The following CPNE2 variants were observed in gnomAD, a reference collection of about 807,000 sequenced individuals.
CPNE2 encodes the protein copine-2.
In CPNE2, 42 loss-of-function variants were observed where a neutral mutation model predicts 69.7. That is an observed-to-expected ratio of 0.60 (90% confidence interval 0.47 to 0.78). The LOEUF (loss-of-function observed/expected upper bound fraction) is 0.78, where lower values mean the gene tolerates loss of function less well. Ranked by LOEUF, CPNE2 falls within the 30% of genes least tolerant of loss-of-function variation. The pLI is 0.00. For synonymous variants in CPNE2, 294 were observed against 289.8 expected (o/e 1.01, Z -0.15); for missense variants, 587 against 732.0 (o/e 0.80, Z 2.29).
chr16:57,103,786 G>T (rs2069631236), intron 1 of CPNE2, among the ~76,000 whole-genome samples: 1 of 152,234 alleles, frequency 6.6e-6, no homozygotes, highest in Non-Finnish European at 1.5e-5. Context: ...CTACATCGCG[G>T]TGGGGCCAGG....
chr16:57,139,717 T>C (rs2013644), intron 14 of CPNE2, among the ~76,000 whole-genome samples: 139,439 of 152,156 alleles, frequency 0.92, 64,093 homozygotes, highest in Middle Eastern at 0.98. Flanking sequence ...TCAATAGGAG[T>C]GGGGAGTGGC....
intron 1 of CPNE2, chr16:57,093,974 C>G (rs527256453): frequency 1.0e-4 from 45 of 451,820 alleles, no homozygotes; most frequent in Middle Eastern, 6.5e-4. Context: ...ACCCTCCCCC[C>G]CTGTGGCCCT....
chr16:57,123,259 TAG>T lies in CPNE2; in HGVS notation c.868-149_868-148del, dbSNP rs2069775855. ...AACCATTGCACTGAAGGCTTTGTTA[TAG>T]AGAGATTTGGGTTTTGTTGTAATTA... On this transcript the variant is annotated intron_variant, in intron 9 of 15. Coordinates refer to ENST00000290776, the MANE Select transcript of CPNE2 (RefSeq NM_152727.6). 4.1e-6 allele frequency: 3 copies of T among 734,726 alleles called. No individual in the cohort carries two copies. In the Admixed American group the frequency reaches 6.0e-5, roughly 15 times the overall value. The allele number at this position is 734,726 out of a possible 1,614,324, so 45.5% of individuals were successfully genotyped here.
Position 57,127,915 on chromosome 16 carries a change from C to T in CPNE2, c.1116+12C>T, listed in dbSNP as rs113463269. The T allele has an allele frequency of 5.0e-6, 8 of 1,613,838 alleles. No individual in the cohort carries two copies. The highest frequency in any genetic ancestry group is 2.2e-5 in the East Asian group (1 of 44,870). On this transcript the variant is annotated intron_variant, in intron 12 of 15. Coordinates refer to ENST00000290776, the MANE Select transcript of CPNE2 (RefSeq NM_152727.6). ...CCCCAGACTGGAAGGTGAGTGAAAC[C>T]GGAGTTAGTTTCCTTTTGGTTGAGA... is the stretch of plus-strand genomic sequence containing the variant.
intron 11 of CPNE2, among the ~76,000 whole-genome samples, chr16:57,127,224 T>C (rs775155541): frequency 2.6e-5 from 4 of 152,140 alleles, no homozygotes; most frequent in Non-Finnish European, 5.9e-5. Context: ...GATTGGGCCT[T>C]AGAGGATGAG....
chr16:57,123,752 T>C (rs2069780202), intron 10 of CPNE2: 2 of 501,378 alleles, frequency 4.0e-6, no homozygotes, highest in Non-Finnish European at 7.2e-6. Context: ...AACAAATTCC[T>C]CCTCACTGGC....
intron 1 of CPNE2, among the ~76,000 whole-genome samples, chr16:57,098,332 C>A (rs1320178934): frequency 6.6e-6 from 1 of 152,218 alleles, no homozygotes; most frequent in Non-Finnish European, 1.5e-5. Flanking sequence ...GCAGCCGGTG[C>A]CGTAGCCTCG....
rs1280377995 is a variant in CPNE2 at position 57,117,506 on chromosome 16, A to G, written c.446A>G (p.Gln149Arg). The change falls in exon 5 of 16, where the codon CAG becomes CGG. Residue 149 changes from glutamine to arginine, a missense_variant. Gln to Arg is a conservative substitution (Grantham distance 43). Coordinates refer to ENST00000290776, the MANE Select transcript of CPNE2 (RefSeq NM_152727.6). ...AGKGLITIAA[Q>R]ELSDNRVITL... ...GTCCCGGCCTTACAGATCGCTGCCC[A>G]GGAGCTGTCCGACAACCGCGTCATC... 7 of 1,613,636 alleles carry G rather than the reference A, an allele frequency of 4.3e-6. No individual in the cohort carries two copies. Among genetic ancestry groups the G allele is most frequent in the Non-Finnish European group, 5.9e-6 (7 of 1,179,900 alleles).
At chr16:57,125,585 A>C (rs2069794797) in intron 10 of CPNE2, 1 of 484,304 alleles carries the variant, frequency 2.1e-6, no homozygotes, top group African/African-American at 1.9e-5. Flanking sequence ...TAGGGATAGT[A>C]AGGAGAAAAA....
At chr16:57,103,117 T>A (rs1350469638) in intron 1 of CPNE2, among the ~76,000 whole-genome samples, 2 of 152,052 alleles carry the variant, frequency 1.3e-5, no homozygotes, top group African/African-American at 4.8e-5. Context: ...AGAATCTATT[T>A]TTTTCTTTCT....
At chr16:57,128,664 C>G (rs1396064901) in intron 12 of CPNE2, among the ~76,000 whole-genome samples, 1 of 152,102 alleles carries the variant, frequency 6.6e-6, no homozygotes, top group Admixed American at 6.6e-5. Context: ...ATTACGAGGA[C>G]GTATTGTGTG....
At chr16:57,120,449 A>G (rs2069753519) in intron 7 of CPNE2, among the ~76,000 whole-genome samples, 5 of 151,748 alleles carry the variant, frequency 3.3e-5, no homozygotes, top group Admixed American at 3.3e-4. Flanking sequence ...CAAAAAAAAA[A>G]AAAAATTATA....
intron 1 of CPNE2, among the ~76,000 whole-genome samples, chr16:57,106,478 G>T (rs956481134): frequency 6.6e-6 from 1 of 152,318 alleles, no homozygotes; most frequent in Non-Finnish European, 1.5e-5. Flanking sequence ...ACCCCAGAGT[G>T]TTCATATGAG....
chr16:57,123,385 G>T (rs1303040296), intron 9 of CPNE2, 29 bp from the exon 10 acceptor site: 7 of 1,610,562 alleles, frequency 4.3e-6, no homozygotes, highest in Non-Finnish European at 5.9e-6. Context: ...AAGTCAAGGG[G>T]ACCCACTGAC....
At chr16:57,094,243 TG>T (rs1415402206) in intron 1 of CPNE2, among the ~76,000 whole-genome samples, 2 of 152,060 alleles carry the variant, frequency 1.3e-5, no homozygotes, top group Non-Finnish European at 2.9e-5. Flanking sequence ...CCCTTGGACT[TG>T]GGGGGTTTTC....
intron 14 of CPNE2, chr16:57,140,848 A>G: frequency 6.9e-6 from 1 of 145,580 alleles, no homozygotes; most frequent in Non-Finnish European, 1.5e-5. Flanking sequence ...TACAGACCTG[A>G]GCCACGGCAC....
intron 1 of CPNE2, among the ~76,000 whole-genome samples, chr16:57,097,124 G>A (rs887546856): frequency 6.6e-6 from 1 of 152,130 alleles, no homozygotes; most frequent in Non-Finnish European, 1.5e-5. Flanking sequence ...CTCTCCTGGG[G>A]CTCCTGGTCT....
intron 1 of CPNE2, among the ~76,000 whole-genome samples, chr16:57,107,083 T>C (rs1377199343): frequency 3.9e-5 from 6 of 152,208 alleles, no homozygotes; most frequent in Non-Finnish European, 7.3e-5. Flanking sequence ...GGGGCAATTG[T>C]CCTGCAGGCA....
intron 5 of CPNE2, 140 bp downstream of exon 5, chr16:57,117,707 A>G: frequency 2.3e-6 from 2 of 879,956 alleles, no homozygotes; most frequent in Non-Finnish European, 3.6e-6. Context: ...CCTCCTGGCC[A>G]CTCCAGATTA....
Sources: gnomAD v4.1 joint callset for allele counts (sites outside exome capture counted in the v4.1 genomes callset) on GRCh38, gnomAD v4.1.1 for gene constraint, MANE v1.5 for transcripts, NCBI Gene and HGNC (gene_info 2026-07-23, HGNC 2026-07-21) for gene names.